The following RABGAP1L variants were observed in gnomAD, a reference collection of about 807,000 sequenced individuals.
RABGAP1L encodes the protein RAB GTPase activating protein 1 like, also known as rab GTPase-activating protein 1-like.
A neutral mutation model predicts 137.7 loss-of-function variants in RABGAP1L; 63 were observed. The observed-to-expected ratio is 0.46, with a 90% CI of 0.37 to 0.56. RABGAP1L has a LOEUF of 0.56. RABGAP1L is among the 20% of genes least tolerant of loss of function. The pLI, the probability that RABGAP1L is intolerant of heterozygous loss-of-function variation, is 0.00. For synonymous variants in RABGAP1L, 431 were observed against 433.7 expected, an observed-to-expected ratio of 0.99 and a Z score of 0.08; for missense variants, 1,095 against 1,244.0, an observed-to-expected ratio of 0.88 and a Z score of 1.80.
chr1:174,473,277 A>T (rs1247204952), intron 13 of RABGAP1L, among the ~76,000 whole-genome samples: 1 of 152,230 alleles, frequency 6.6e-6, no homozygotes, highest in Non-Finnish European at 1.5e-5. Context: ...TCTTGATGAC[A>T]TAGGATCTCT....
chr1:174,779,349 A>C (rs556587227), intron 18 of RABGAP1L, among the ~76,000 whole-genome samples: 2 of 152,290 alleles, frequency 1.3e-5, no homozygotes, highest in African/African-American at 4.8e-5. Context: ...GTCATTCATT[A>C]TGACACCAAA....
intron 13 of RABGAP1L, among the ~76,000 whole-genome samples, chr1:174,529,673 G>A (rs1451372811): frequency 2.0e-5 from 3 of 152,152 alleles, no homozygotes; most frequent in African/African-American, 7.2e-5. Flanking sequence ...AAGTGGGCAG[G>A]TTCTTAGGCC....
At chr1:174,250,870 G>A (rs1231687835) in intron 6 of RABGAP1L, among the ~76,000 whole-genome samples, 1 of 152,008 alleles carries the variant, frequency 6.6e-6, no homozygotes, top group East Asian at 1.9e-4. Flanking sequence ...GCACGATCTC[G>A]ACTCACTGCC....
At chr1:174,348,994 G>A (rs1358102548) in intron 11 of RABGAP1L, among the ~76,000 whole-genome samples, 1 of 151,894 alleles carries the variant, frequency 6.6e-6, no homozygotes, top group African/African-American at 2.4e-5. Context: ...AGACGGGGTG[G>A]TGGCCGGGCA....
chr1:174,937,373 C>T (rs1051518096), intron 19 of RABGAP1L, among the ~76,000 whole-genome samples: 1 of 151,268 alleles, frequency 6.6e-6, no homozygotes, highest in Non-Finnish European at 1.5e-5. Context: ...CAACCTCTGC[C>T]TCCCTGGTTC....
rs201858926 is a variant in RABGAP1L, at chr1:174,641,279, T to G, written c.1824+3791T>G. On this transcript the variant is annotated intron_variant, in intron 14 of 25. Coordinates refer to ENST00000681986, the MANE Select transcript of RABGAP1L (RefSeq NM_001366446.1). The stretch of plus-strand genomic sequence containing the variant: ...TGAACTGTCACATTAGAGGGAAGAC[T>G]GTTAAAAACTCATTGTCATGTTTTA... Among the ~76,000 whole-genome samples, 6 of 152,180 alleles carry G rather than the reference T, an allele frequency of 3.9e-5. No individual in the cohort carries two copies. The East Asian group carries it at 1.2e-3, about 29-fold the overall frequency.
chr1:174,281,169 T>A (rs1675497329), intron 10 of RABGAP1L, among the ~76,000 whole-genome samples: 1 of 152,108 alleles, frequency 6.6e-6, no homozygotes, highest in South Asian at 2.1e-4. Flanking sequence ...AGAACAAAGC[T>A]TCCACAGAGT....
chr1:174,573,526 C>T (rs1262361742), intron 13 of RABGAP1L, among the ~76,000 whole-genome samples: 1 of 151,976 alleles, frequency 6.6e-6, no homozygotes, highest in Non-Finnish European at 1.5e-5. Context: ...GATTACTGCC[C>T]ACCAATTTTT....
intron 14 of RABGAP1L, among the ~76,000 whole-genome samples, chr1:174,680,569 A>G (rs1677983193): frequency 6.6e-6 from 1 of 152,214 alleles, no homozygotes. Flanking sequence ...CAGAGCATAT[A>G]CAGAATGAAG....
chr1:174,803,175 A>C (rs1031746646), intron 18 of RABGAP1L, among the ~76,000 whole-genome samples: 1 of 152,196 alleles, frequency 6.6e-6, no homozygotes, highest in Non-Finnish European at 1.5e-5. Flanking sequence ...CCTGATTCAC[A>C]GAGGGATCGT....
At chr1:174,856,980 G>A (rs1649425560) in intron 19 of RABGAP1L, among the ~76,000 whole-genome samples, 1 of 151,408 alleles carries the variant, frequency 6.6e-6, no homozygotes, top group Non-Finnish European at 1.5e-5. Flanking sequence ...ATAAACACAT[G>A]AAAAAAACTT....
At chr1:174,924,582 C>T (rs1662399014) in intron 19 of RABGAP1L, among the ~76,000 whole-genome samples, 1 of 152,078 alleles carries the variant, frequency 6.6e-6, no homozygotes, top group African/African-American at 2.4e-5. Flanking sequence ...AGATGTATTA[C>T]TTTTCCCCAG....
intron 13 of RABGAP1L, among the ~76,000 whole-genome samples, chr1:174,632,469 A>G (rs892498907): frequency 6.7e-6 from 1 of 149,428 alleles, no homozygotes; most frequent in South Asian, 2.1e-4. Flanking sequence ...GTTCTCCTGG[A>G]TAATATCCTG....
At chr1:174,810,560 A>G (rs1689768362) in intron 18 of RABGAP1L, among the ~76,000 whole-genome samples, 1 of 152,204 alleles carries the variant, frequency 6.6e-6, no homozygotes. Context: ...ATTTAAATAA[A>G]GTAATATTTT....
intron 12 of RABGAP1L, among the ~76,000 whole-genome samples, chr1:174,377,919 A>G (rs1478711817): frequency 2.1e-4 from 19 of 92,326 alleles, no homozygotes; most frequent in African/African-American, 9.7e-4. Context: ...ATATCTCCCA[A>G]TGCTATCCCT....
chr1:174,376,671 C>CA (rs978590638), intron 12 of RABGAP1L, among the ~76,000 whole-genome samples: 1 of 151,850 alleles, frequency 6.6e-6, no homozygotes, highest in Admixed American at 6.6e-5. Context: ...AACCAAAAAA[C>CA]AAAAAAACCT....
At chr1:174,454,289 T>C (rs915550213) in intron 13 of RABGAP1L, among the ~76,000 whole-genome samples, 3 of 152,070 alleles carry the variant, frequency 2.0e-5, no homozygotes, top group East Asian at 1.9e-4. Flanking sequence ...ATGCGGAATA[T>C]TTAAAAAATA....
intron 19 of RABGAP1L, among the ~76,000 whole-genome samples, chr1:174,922,611 G>T (rs1172451009): frequency 6.6e-6 from 1 of 152,070 alleles, no homozygotes; most frequent in Admixed American, 6.6e-5. Flanking sequence ...TAAGGACCAG[G>T]CCTTTGATCA....
chr1:174,770,296 A>C (rs1653001919), intron 18 of RABGAP1L, among the ~76,000 whole-genome samples: 1 of 152,208 alleles, frequency 6.6e-6, no homozygotes, highest in Admixed American at 6.5e-5. Flanking sequence ...CAAACCAACA[A>C]ACACAAATAC....
Sources: allele counts gnomAD v4.1 joint callset (sites outside exome capture counted in the v4.1 genomes callset), GRCh38; gene constraint gnomAD v4.1.1; transcripts MANE v1.5; gene names NCBI Gene and HGNC (gene_info 2026-07-23, HGNC 2026-07-21).